Variants in PYY observed in about 807,000 individuals in gnomAD.
The protein encoded by PYY is peptide tyrosine tyrosine.
In PYY, 12 loss-of-function variants were observed where a neutral mutation model predicts 10.3. The ratio of observed to expected loss-of-function variants is 1.17; its 90% CI spans 0.75 to 1.89. The LOEUF (loss-of-function observed/expected upper bound fraction) is 1.89. Among genes scored for constraint, PYY ranks in the 40% most tolerant of loss-of-function variants. PYY has a pLI of 0.00. For synonymous variants in PYY, 66 were observed against 62.0 expected, an observed-to-expected ratio of 1.06 and a Z score of -0.30; for missense variants, 141 against 134.0, an observed-to-expected ratio of 1.05 and a Z score of -0.26.
chr17:43,955,893 A>G (rs1376268249), upstream of PYY, among the ~76,000 whole-genome samples: 8 of 151,856 alleles, frequency 5.3e-5, no homozygotes, highest in African/African-American at 1.9e-4. Flanking sequence ...GGGCCTAGAG[A>G]AGGACCCTGC....
intron 1 of PYY, among the ~76,000 whole-genome samples, chr17:43,980,363 C>T (rs1446024266): frequency 6.6e-6 from 1 of 151,924 alleles, no homozygotes; most frequent in African/African-American, 2.4e-5. Flanking sequence ...GGGGTTTCAC[C>T]ATGTTGGCCA....
Position 43,989,160 on chromosome 17 carries a change from G to A in PYY, c.-463+15231C>T, listed in dbSNP as rs547249449. ...GAGGCCAAGGCGGGCGGATCACGAGGTCAGGAGATCAAGACCATCCTGGCT... is the reference window on the plus strand; with the variant it reads ...GAGGCCAAGGCGGGCGGATCACGAGATCAGGAGATCAAGACCATCCTGGCT... On this transcript the variant is annotated intron_variant, in intron 1 of 6. Transcript: ENST00000360085. Among the ~76,000 whole-genome samples the A allele has an allele frequency of 2.3e-3, 351 of 152,048 alleles. 2 individuals carry two copies. Among genetic ancestry groups the A allele is most frequent in the African/African-American group, 7.8e-3 (323 of 41,544 alleles).
chr17:43,980,958 C>A (rs1054328372), intron 1 of PYY, among the ~76,000 whole-genome samples: 3 of 151,452 alleles, frequency 2.0e-5, no homozygotes, highest in African/African-American at 7.3e-5. Context: ...AGGTTTGGAA[C>A]TATTATGATT....
chr17:43,969,803 G>A (rs2048777897), intron 1 of PYY, among the ~76,000 whole-genome samples: 1 of 151,458 alleles, frequency 6.6e-6, no homozygotes, highest in East Asian at 2.0e-4. Flanking sequence ...GAGTGCAGTG[G>A]CGCCATCTCA....
intron 1 of PYY, among the ~76,000 whole-genome samples, chr17:43,982,098 G>A (rs895192517): frequency 2.0e-5 from 3 of 152,074 alleles, no homozygotes; most frequent in African/African-American, 7.2e-5. Flanking sequence ...TTAGCTCTGC[G>A]CAGCTCTGCC....
At chr17:43,967,572 G>T (rs147971255) in intron 1 of PYY, among the ~76,000 whole-genome samples, 36 of 152,264 alleles carry the variant, frequency 2.4e-4, no homozygotes, top group Non-Finnish European at 4.3e-4. Flanking sequence ...CCTCAGTTTT[G>T]TCATCGGCCA....
upstream of PYY, among the ~76,000 whole-genome samples, chr17:43,957,154 C>T (rs112200953): frequency 1.7e-3 from 254 of 147,612 alleles, no homozygotes; most frequent in Non-Finnish European, 2.9e-3. Context: ...GCCAAGATCG[C>T]GCCACTGTAC....
intron 1 of PYY, among the ~76,000 whole-genome samples, chr17:44,001,353 C>T (rs1244917746): frequency 6.6e-6 from 1 of 152,156 alleles, no homozygotes; most frequent in Non-Finnish European, 1.5e-5. Flanking sequence ...TGAACCTGGG[C>T]ACAATGACAA....
chr17:43,971,679 G>GT (rs1337828118), intron 1 of PYY, among the ~76,000 whole-genome samples: 9 of 133,780 alleles, frequency 6.7e-5, no homozygotes, highest in African/African-American at 2.0e-4. Flanking sequence ...CTGTTCATGT[G>GT]GTTTTTTTTT....
At chr17:43,968,448 C>A (rs1410299743) in intron 1 of PYY, among the ~76,000 whole-genome samples, 1 of 151,972 alleles carries the variant, frequency 6.6e-6, no homozygotes, top group Non-Finnish European at 1.5e-5. Context: ...CAAAATGAAA[C>A]AAAGATATTG....
In PYY at chr17:43,953,093, TA is replaced by T. The variant is rs1248250968; in HGVS notation, c.269+15del. The T allele has an allele frequency of 6.2e-7, 1 of 1,613,452 alleles. No homozygotes were observed. Among genetic ancestry groups the T allele is most frequent in the Non-Finnish European group, 8.5e-7 (1 of 1,179,668 alleles). On this transcript the variant is annotated intron_variant, in intron 3 of 3. Transcript: ENST00000692052. Reference sequence around the variant, plus strand: ...GCGCTCTCGGATGCAGGATGTGTGGTAACGGGCGCTTTTACCGCGACCTGAC... The same window carrying T: ...GCGCTCTCGGATGCAGGATGTGTGGTACGGGCGCTTTTACCGCGACCTGAC...
chr17:43,986,254 A>G (rs1425270654), intron 1 of PYY, among the ~76,000 whole-genome samples: 2 of 151,948 alleles, frequency 1.3e-5, no homozygotes, highest in African/African-American at 4.8e-5. Context: ...CAAGAGCAAA[A>G]CTCTGTCTCA....
chr17:43,957,169 G>A (rs2048678096), upstream of PYY, among the ~76,000 whole-genome samples: 1 of 145,956 alleles, frequency 6.9e-6, no homozygotes, highest in Non-Finnish European at 1.5e-5. Flanking sequence ...CTGTACTCCA[G>A]CCTGAGCGAC....
chr17:43,953,739 G>A (rs1225119733), intron 1 of PYY, 111 bp downstream of exon 1: 2 of 366,980 alleles, frequency 5.4e-6, no homozygotes, highest in East Asian at 8.4e-5. Context: ...ACCTCCGATG[G>A]CCCCCTCCAA....
At position 43,976,228 on chromosome 17, in the gene PYY, T is replaced by TACGTATATATAC. The variant is rs1567932156; in HGVS notation, c.-462-9697_-462-9696insGTATATATACGT. ...ACATATACGTATATGTATACATATA[T>TACGTATATATAC]ACATATGCGTATATATACACATATG... On this transcript the variant is annotated intron_variant, in intron 1 of 6. Transcript: ENST00000360085. 4.0e-4 allele frequency among the ~76,000 whole-genome samples: 57 copies of TACGTATATATAC among 143,940 alleles called. 1 individual carries two copies. Among genetic ancestry groups the TACGTATATATAC allele is most frequent in the East Asian group, 3.5e-3 (17 of 4,904 alleles). 94.4% of individuals were successfully genotyped at this position (143,940 alleles called of 152,430 possible).
chr17:43,980,298 G>C (rs2048874354), intron 1 of PYY, among the ~76,000 whole-genome samples: 3 of 151,466 alleles, frequency 2.0e-5, no homozygotes, highest in African/African-American at 7.3e-5. Flanking sequence ...CGAGTAGCTG[G>C]GATTACAGGC....
intron 1 of PYY, among the ~76,000 whole-genome samples, chr17:43,985,506 T>C (rs908016002): frequency 6.6e-6 from 1 of 152,176 alleles, no homozygotes; most frequent in African/African-American, 2.4e-5. Context: ...TAAATGACAA[T>C]GTCCAAGGCT....
chr17:43,969,279 G>A (rs2048773461), intron 1 of PYY, among the ~76,000 whole-genome samples: 1 of 151,944 alleles, frequency 6.6e-6, no homozygotes, highest in Non-Finnish European at 1.5e-5. Context: ...ACTTTGGGAG[G>A]CCGAGGCGGG....
chr17:43,959,622 T>A (rs2048698044), intron 2 of PYY, among the ~76,000 whole-genome samples: 1 of 152,136 alleles, frequency 6.6e-6, no homozygotes, highest in Admixed American at 6.5e-5. Flanking sequence ...GCGGAGATTG[T>A]AATGAGCCAA....
Sources: gnomAD v4.1 joint callset for allele counts (sites outside exome capture counted in the v4.1 genomes callset) on GRCh38, gnomAD v4.1.1 for gene constraint, MANE v1.5 for transcripts, NCBI Gene and HGNC (gene_info 2026-07-23, HGNC 2026-07-21) for gene names.